The following APBA2 variants were observed in gnomAD, a reference collection of about 807,000 sequenced individuals.
APBA2 encodes the protein amyloid beta precursor protein binding family A member 2.
APBA2 carries 30 observed loss-of-function variants against 75.0 expected under a neutral mutation model. The ratio of observed to expected loss-of-function variants is 0.40; its 90% CI spans 0.30 to 0.54. APBA2 has a LOEUF of 0.54. APBA2 is among the 20% of genes least tolerant of loss of function. The pLI is 0.49. For synonymous variants in APBA2, 444 were observed against 409.6 expected (o/e 1.08, Z -1.01); for missense variants, 801 against 1,016.1 (o/e 0.79, Z 2.88).
chr15:29,079,628 C>G (rs2074472138), intron 6 of APBA2, among the ~76,000 whole-genome samples: 1 of 152,136 alleles, frequency 6.6e-6, no homozygotes, highest in South Asian at 2.1e-4. Context: ...ACTGCGGGCC[C>G]TTCCAGCCTC....
At chr15:29,055,914 T>C (rs1047634398) in intron 4 of APBA2, among the ~76,000 whole-genome samples, 1 of 152,168 alleles carries the variant, frequency 6.6e-6, no homozygotes, top group Non-Finnish European at 1.5e-5. Context: ...GCATAGGAGC[T>C]CCCATGGTAC....
chr15:29,017,229 G>T (rs1012849522), intron 3 of APBA2, among the ~76,000 whole-genome samples: 1 of 152,006 alleles, frequency 6.6e-6, no homozygotes, highest in African/African-American at 2.4e-5. Context: ...CTTGCTGCAC[G>T]CACTTCTGGG....
intron 1 of APBA2, among the ~76,000 whole-genome samples, chr15:28,888,425 G>A (rs1361382407): frequency 2.6e-5 from 4 of 152,154 alleles, no homozygotes; most frequent in Non-Finnish European, 5.9e-5. Context: ...CTGTGGTGAG[G>A]GCTGTTGGAG....
At chr15:29,087,255 A>T (rs1352533884) in intron 6 of APBA2, among the ~76,000 whole-genome samples, 1 of 146,404 alleles carries the variant, frequency 6.8e-6, no homozygotes, top group Non-Finnish European at 1.5e-5. Flanking sequence ...CATTTTTGCC[A>T]TTTTTTTTTA....
At chr15:29,058,695 G>C (rs988586379) in intron 4 of APBA2, among the ~76,000 whole-genome samples, 1 of 151,960 alleles carries the variant, frequency 6.6e-6, no homozygotes, top group Non-Finnish European at 1.5e-5. Flanking sequence ...GATATGAGAG[G>C]CACAAAGGTG....
At chr15:28,958,487 A>T (rs982089851) in intron 2 of APBA2, among the ~76,000 whole-genome samples, 9 of 152,246 alleles carry the variant, frequency 5.9e-5, no homozygotes, top group African/African-American at 2.2e-4. Context: ...GCTTCTTAGT[A>T]TCTCCAGCAG....
Position 28,991,684 on chromosome 15 carries a change from C to T in APBA2, c.-94-4069C>T, listed in dbSNP as rs1420049694. 6.6e-6 allele frequency among the ~76,000 whole-genome samples: 1 copy of T among 152,186 alleles called. No individual in the cohort carries two copies. The highest frequency in any genetic ancestry group is 1.5e-5 in the Non-Finnish European group (1 of 68,020). On this transcript the variant is annotated intron_variant, in intron 2 of 14. Transcript: ENST00000683413. This position sits in a 1 kb window ranked among gnomAD's most constrained non-coding sequence, Gnocchi z 4.7. ...CCAGGTCGAGCTGGCACTGGGGCGA[C>T]GCTCTGTCTTTGATGCACCCTGATG... is the stretch of plus-strand genomic sequence containing the variant.
intron 14 of APBA2, among the ~76,000 whole-genome samples, chr15:29,114,901 G>A (rs922727339): frequency 6.1e-5 from 9 of 146,910 alleles, no homozygotes; most frequent in African/African-American, 2.4e-4. Context: ...GGGTGTGTGT[G>A]AGCATGGGGT....
chr15:29,028,282 T>C (rs2040326051), intron 3 of APBA2, among the ~76,000 whole-genome samples: 1 of 152,176 alleles, frequency 6.6e-6, no homozygotes, highest in Non-Finnish European at 1.5e-5. Flanking sequence ...GTCAGTTTGC[T>C]GAGGATAATG....
At chr15:29,008,811 G>A (rs908460724) in intron 3 of APBA2, among the ~76,000 whole-genome samples, 2 of 152,218 alleles carry the variant, frequency 1.3e-5, no homozygotes, top group Non-Finnish European at 2.9e-5. Flanking sequence ...GCCCCTGAGT[G>A]TCTGCCTTCC....
chr15:28,951,596 T>C (rs2152723663), intron 2 of APBA2, among the ~76,000 whole-genome samples: 1 of 152,280 alleles, frequency 6.6e-6, no homozygotes. Context: ...TTTATTTTTT[T>C]ATTTTTTGAG....
At chr15:28,926,945 C>T (rs577025391) in intron 2 of APBA2, among the ~76,000 whole-genome samples, 1 of 151,470 alleles carries the variant, frequency 6.6e-6, no homozygotes, top group African/African-American at 2.4e-5. Context: ...CAAGCTCTGC[C>T]TCCCGGGTTC....
intron 6 of APBA2, among the ~76,000 whole-genome samples, chr15:29,080,653 T>C (rs767714548): frequency 4.6e-5 from 7 of 152,074 alleles, no homozygotes; most frequent in Non-Finnish European, 7.4e-5. Flanking sequence ...CCTCAAGATG[T>C]CCCCTCCTAC....
rs758405411 is a variant in APBA2, at chr15:29,054,337, C to G, written c.453C>G (p.Gly151=). 1.2e-5 allele frequency: 19 copies of G among 1,614,044 alleles called. No individual in the cohort carries two copies. The highest frequency in any genetic ancestry group is 1.5e-5 in the Non-Finnish European group (18 of 1,180,008). Residue 151 remains glycine, a synonymous_variant, in exon 4 of 15, where the codon GGC becomes GGG. Coordinates refer to ENST00000683413, the MANE Select transcript of APBA2 (RefSeq NM_001353788.2). The surrounding 1 kb of genome is among the most constrained non-coding windows in gnomAD (Gnocchi z 6.1). ...WTDSAGPHPH[G]HEAEGSQDYP... ...ACTCGGCGGGCCCGCACCCCCACGG[C>G]CACGAGGCTGAAGGCAGCCAGGACT... is the stretch of plus-strand genomic sequence containing the variant.
chr15:29,089,594 T>C (rs1023549944), intron 6 of APBA2, among the ~76,000 whole-genome samples: 4 of 152,058 alleles, frequency 2.6e-5, no homozygotes, highest in African/African-American at 9.7e-5. Context: ...CAGGATAATT[T>C]TCTTCAAAGG....
intron 1 of APBA2, among the ~76,000 whole-genome samples, chr15:28,894,958 G>A (rs1219763109): frequency 6.6e-6 from 1 of 152,140 alleles, no homozygotes; most frequent in Non-Finnish European, 1.5e-5. Context: ...GTCATTGGGG[G>A]GCTCCAGAGC....
intron 2 of APBA2, chr15:28,970,436 G>A (rs1035114786): frequency 6.7e-6 from 1 of 149,590 alleles, no homozygotes; most frequent in Non-Finnish European, 1.5e-5. Context: ...CAGCCCTTTG[G>A]GAGGCCGAGG....
At chr15:29,091,073 C>G (rs1239175759) in intron 6 of APBA2, among the ~76,000 whole-genome samples, 2 of 152,076 alleles carry the variant, frequency 1.3e-5, no homozygotes, top group African/African-American at 4.8e-5. Context: ...CAGGAGAATC[C>G]CGGTGTACCC....
intron 2 of APBA2, among the ~76,000 whole-genome samples, chr15:28,944,125 A>T (rs2035401585): frequency 6.6e-6 from 1 of 152,210 alleles, no homozygotes; most frequent in Non-Finnish European, 1.5e-5. Flanking sequence ...CATGTGACTG[A>T]GTATTGCTGA....
Sources: allele counts gnomAD v4.1 joint callset (sites outside exome capture counted in the v4.1 genomes callset), GRCh38; gene constraint gnomAD v4.1.1; non-coding constraint Gnocchi (gnomAD v3.1); transcripts MANE v1.5; gene names NCBI Gene and HGNC (gene_info 2026-07-23, HGNC 2026-07-21).